STRN3: variants seen among roughly 807,000 people sequenced by gnomAD.
STRN3 encodes striatin 3, also known as striatin-3.
STRN3 carries 29 observed loss-of-function variants against 95.6 expected under a neutral mutation model. That is an observed-to-expected ratio of 0.30 (90% CI 0.23 to 0.41). The LOEUF is 0.41. Ranked by LOEUF, STRN3 falls within the 10% of genes least tolerant of loss-of-function variation. The pLI, the probability that STRN3 is intolerant of heterozygous loss-of-function variation, is 1.00. For synonymous variants in STRN3, 331 were observed against 357.6 expected, an observed-to-expected ratio of 0.93 and a Z score of 0.84; for missense variants, 890 against 972.1, an observed-to-expected ratio of 0.92 and a Z score of 1.12.
At chr14:30,989,888 T>C (rs901576984) in intron 1 of STRN3, among the ~76,000 whole-genome samples, 2 of 152,024 alleles carry the variant, frequency 1.3e-5, no homozygotes, top group African/African-American at 2.4e-5. Context: ...GGATGATTAA[T>C]ATGAATTGTC....
At chr14:30,997,113 TCAGGAC>T (rs1882237779) in intron 1 of STRN3, among the ~76,000 whole-genome samples, 1 of 151,890 alleles carries the variant, frequency 6.6e-6, no homozygotes, top group South Asian at 2.1e-4. Context: ...AGGAACAGGA[TCAGGAC>T]CTAATCGTAA....
intron 1 of STRN3, chr14:31,025,674 A>G (rs1883808960): frequency 1.5e-6 from 1 of 653,266 alleles, no homozygotes; most frequent in Non-Finnish European, 2.5e-6. Context: ...GGCTGCCCCG[A>G]GGAGGCCCGC....
At chr14:31,007,204 C>T (rs767643689) in intron 1 of STRN3, among the ~76,000 whole-genome samples, 6 of 152,192 alleles carry the variant, frequency 3.9e-5, no homozygotes, top group Non-Finnish European at 7.3e-5. Flanking sequence ...CCGCAGCAGA[C>T]ATTAGTTTCA....
At chr14:30,897,495 G>A (rs1465029467) in intron 16 of STRN3, among the ~76,000 whole-genome samples, 2 of 152,196 alleles carry the variant, frequency 1.3e-5, no homozygotes, top group African/African-American at 4.8e-5. Flanking sequence ...TGAGACAGGA[G>A]AATCGCTTGA....
chr14:30,917,901 C>T (rs1024027252), intron 9 of STRN3, among the ~76,000 whole-genome samples: 1 of 152,102 alleles, frequency 6.6e-6, no homozygotes, highest in African/African-American at 2.4e-5. Context: ...AAACTTAATA[C>T]ATATGCCAAA....
intron 1 of STRN3, among the ~76,000 whole-genome samples, chr14:30,980,412 CT>C (rs755335383): frequency 6.6e-6 from 1 of 150,694 alleles, no homozygotes; most frequent in Non-Finnish European, 1.5e-5. Context: ...CTTTTTTTTT[CT>C]TTTTTTTGTT....
At chr14:31,012,405 TAAC>T (rs759504758) in intron 1 of STRN3, among the ~76,000 whole-genome samples, 28 of 152,328 alleles carry the variant, frequency 1.8e-4, no homozygotes, top group Non-Finnish European at 3.7e-4. Context: ...CCACAACTGC[TAAC>T]AACTCTTAAC....
Position 30,929,289 on chromosome 14 carries a change from A to G in STRN3, c.1011T>C (p.Thr337=), listed in dbSNP as rs773916187. Residue 337 remains threonine, a synonymous_variant, in exon 8 of 18, where the codon ACT becomes ACC. Transcript: ENST00000357479. The part of the protein sequence containing the change: ...TEWDKDDLSP[T]AEVWDVDQGL... The stretch of plus-strand genomic sequence containing the variant: ...CCTGGTCTACATCCCAAACCTCAGC[A>G]GTTGGGGAGAGGTCATCTTTATCTA... 3.1e-6 allele frequency: 5 copies of G among 1,613,446 alleles called. No individual in the cohort carries two copies.
intron 8 of STRN3, among the ~76,000 whole-genome samples, chr14:30,927,360 T>C (rs1262836987): frequency 6.6e-6 from 1 of 151,876 alleles, no homozygotes; most frequent in Non-Finnish European, 1.5e-5. Flanking sequence ...TAAACATACT[T>C]TTTTTAATTA....
intron 1 of STRN3, among the ~76,000 whole-genome samples, chr14:30,972,931 C>G (rs1454235097): frequency 1.3e-5 from 2 of 152,202 alleles, no homozygotes; most frequent in African/African-American, 4.8e-5. Flanking sequence ...AAAGATTAGG[C>G]CGGGTGCGGG....
chr14:30,947,095 T>C lies in STRN3; in HGVS notation c.711A>G (p.Ile237Met). Residue 237 changes from isoleucine (I) to methionine (M), a missense_variant, in exon 5 of 18, where the codon ATA (isoleucine) becomes ATG (methionine). By Grantham distance (10) the Ile-to-Met change is conservative. Transcript: ENST00000357479. Reference sequence around the variant, plus strand: ...ATGTTAAGTATAAATCATACCTTTTTATTTCTTGTCCCTTTTGCTTAGGAG... The same window carrying C: ...ATGTTAAGTATAAATCATACCTTTTCATTTCTTGTCCCTTTTGCTTAGGAG... ...GESPKQKGQE[I>M]KRSSGDVLET... is the part of the protein sequence containing the mutation. The C allele has an allele frequency of 6.3e-7, 1 of 1,590,478 alleles. No homozygotes were observed. The highest frequency in any genetic ancestry group is 8.5e-7 in the Non-Finnish European group (1 of 1,171,330).
At chr14:30,984,819 T>C (rs879305729) in intron 1 of STRN3, among the ~76,000 whole-genome samples, 11 of 152,020 alleles carry the variant, frequency 7.2e-5, no homozygotes, top group Non-Finnish European at 7.4e-5. Flanking sequence ...ATGGCAACTA[T>C]AGAGTACACT....
At chr14:30,899,912 T>C (rs943040108) in intron 16 of STRN3, among the ~76,000 whole-genome samples, 4 of 152,236 alleles carry the variant, frequency 2.6e-5, no homozygotes, top group African/African-American at 4.8e-5. Context: ...CATAAAGTTC[T>C]ATCATGTTTC....
intron 1 of STRN3, among the ~76,000 whole-genome samples, chr14:30,990,878 T>C (rs1881921191): frequency 6.6e-6 from 1 of 152,202 alleles, no homozygotes; most frequent in South Asian, 2.1e-4. Flanking sequence ...AAAAAGTCTG[T>C]ACATGTGCAG....
At chr14:30,911,204 TAAG>T (rs1896598950) in intron 12 of STRN3, 42 bp from the exon 13 acceptor site, 2 of 1,569,144 alleles carry the variant, frequency 1.3e-6, no homozygotes, top group African/African-American at 1.4e-5. Context: ...TGATAAATTC[TAAG>T]AAGAAACTCA....
At chr14:30,929,422 A>AT in intron 7 of STRN3, 111 bp from the exon 8 acceptor site, 1 of 771,772 alleles carries the variant, frequency 1.3e-6, no homozygotes, top group Non-Finnish European at 2.1e-6. Flanking sequence ...CTAATAGCAT[A>AT]TACTCAAAAT....
chr14:30,965,015 T>C (rs1880413339), intron 1 of STRN3, among the ~76,000 whole-genome samples: 2 of 152,094 alleles, frequency 1.3e-5, no homozygotes, highest in Admixed American at 6.5e-5. Flanking sequence ...CATGTCATTA[T>C]TGAGGTTAAG....
Position 30,906,860 on chromosome 14 carries a change from A to G in STRN3, c.1888+17T>C, listed in dbSNP as rs1594417293. ...TTAAAAAAACTAACTTTTCTCACAG[A>G]TGCAAAATTTACTTACTTTTATCTC... On this transcript the variant is annotated intron_variant, in intron 14 of 17. Transcript: ENST00000357479. The G allele has an allele frequency of 2.5e-6, 4 of 1,594,082 alleles. No homozygotes were observed. In the East Asian group the frequency reaches 9.0e-5, roughly 36 times the overall value.
intron 1 of STRN3, among the ~76,000 whole-genome samples, chr14:31,006,881 T>C (rs1882743597): frequency 6.6e-6 from 1 of 150,664 alleles, no homozygotes; most frequent in Non-Finnish European, 1.5e-5. Context: ...GAGGTAGAAG[T>C]GGAAAGACAT....
Sources: allele counts gnomAD v4.1 joint callset (sites outside exome capture counted in the v4.1 genomes callset), GRCh38; gene constraint gnomAD v4.1.1; transcripts MANE v1.5; gene names NCBI Gene and HGNC (gene_info 2026-07-23, HGNC 2026-07-21).